TMEM165: variants seen among roughly 807,000 people sequenced by gnomAD.
TMEM165 encodes transmembrane protein 165, also known as putative divalent cation/proton antiporter TMEM165.
Under a neutral mutation model 30.0 loss-of-function variants are expected in TMEM165, and 19 were observed. That is an observed-to-expected ratio of 0.63 (90% CI 0.44 to 0.93). The LOEUF (loss-of-function observed/expected upper bound fraction) is 0.93, where lower values mean the gene tolerates loss of function less well. Ranked by LOEUF, TMEM165 falls within the 40% of genes least tolerant of loss-of-function variation. The probability of loss-of-function intolerance (pLI) is 0.00; values close to 1 mark genes in which losing one functional copy is unlikely to be tolerated. For synonymous variants in TMEM165, 168 were observed against 162.9 expected, an observed-to-expected ratio of 1.03 and a Z score of -0.24; for missense variants, 340 against 417.0, an observed-to-expected ratio of 0.82 and a Z score of 1.61.
Position 55,425,451 on chromosome 4 carries a change from AAC to A in TMEM165, c.*1_*2del, listed in dbSNP as rs200697317. On this transcript the variant is annotated stop_retained_variant and 3_prime_UTR_variant, in exon 6 of 6. Transcript: ENST00000381334. ...TTTATAAGCCCTGATTCTGGTTTTT[AAC>A]AAGCTGTTTGTTCATCTATATTTAG... 1.1e-5 allele frequency: 18 copies of A among 1,594,114 alleles called. No individual in the cohort carries two copies. Among genetic ancestry groups the A allele is most frequent in the East Asian group, 2.3e-5 (1 of 42,896 alleles).
chr4:55,424,341 C>T, intron 4 of TMEM165, 197 bp from the exon 5 acceptor site: 1 of 521,368 alleles, frequency 1.9e-6, no homozygotes, highest in Non-Finnish European at 3.4e-6. Context: ...ACTTTTAGGT[C>T]TAGTCTTAAG....
chr4:55,421,735 T>C (rs996116426), intron 4 of TMEM165, among the ~76,000 whole-genome samples: 2 of 152,220 alleles, frequency 1.3e-5, no homozygotes, highest in Non-Finnish European at 1.5e-5. Flanking sequence ...CAGCGGGCTT[T>C]CCCTTCTCCT....
chr4:55,437,131 A>T (rs1471129531), intron 3 of TMEM165, among the ~76,000 whole-genome samples: 2 of 152,188 alleles, frequency 1.3e-5, no homozygotes, highest in Non-Finnish European at 2.9e-5. Context: ...GGTCTAAAAG[A>T]CTGTATGACT....
intron 1 of TMEM165, among the ~76,000 whole-genome samples, chr4:55,399,762 T>C (rs765121468): frequency 8.5e-5 from 13 of 152,104 alleles, no homozygotes; most frequent in Non-Finnish European, 1.6e-4. Context: ...GGTCTTCTTA[T>C]AGCTCATAAC....
chr4:55,416,188 T>C (rs1470229385), intron 2 of TMEM165: 1 of 152,092 alleles, frequency 6.6e-6, no homozygotes, highest in African/African-American at 2.4e-5. Flanking sequence ...TATGGTCGTG[T>C]CCTCTGTTCC....
chr4:55,446,814 T>A (rs1723889403), intron 3 of TMEM165, among the ~76,000 whole-genome samples: 1 of 152,150 alleles, frequency 6.6e-6, no homozygotes, highest in Non-Finnish European at 1.5e-5. Context: ...TGGAAGGAAA[T>A]CTGTCTTAAA....
chr4:55,425,558 C>A lies in TMEM165; in HGVS notation c.*106C>A. 1.1e-6 allele frequency: 1 copy of A among 873,014 alleles called. No individual in the cohort carries two copies. Among genetic ancestry groups the A allele is most frequent in the Non-Finnish European group, 1.8e-6 (1 of 561,082 alleles). The allele number at this position is 873,014 out of a possible 1,614,324, so 54.1% of individuals were successfully genotyped here. A position where few individuals can be genotyped will look rare whatever the true frequency, so the allele number is the denominator to read the frequency against. The stretch of plus-strand genomic sequence containing the variant: ...GATGGAAAAATACTGTATTTTGTAG[C>A]ACTGATTTTGTGAGTTTGACCCATT... On this transcript the variant is annotated 3_prime_UTR_variant, in exon 6 of 6. Coordinates refer to ENST00000381334, the MANE Select transcript of TMEM165 (RefSeq NM_018475.5).
At chr4:55,443,923 T>G in intron 3 of TMEM165, 5 of 1,595,026 alleles carry the variant, frequency 3.1e-6, no homozygotes, top group Non-Finnish European at 4.3e-6. Flanking sequence ...TATGTTAAAA[T>G]GAGCTTTGTA....
At chr4:55,444,700 T>A (rs3762836) in intron 3 of TMEM165, 82 of 1,614,034 alleles carry the variant, frequency 5.1e-5, no homozygotes, top group Non-Finnish European at 6.8e-5. Flanking sequence ...TTGTTGCCGA[T>A]GAATATTTGC....
At chr4:55,420,932 TCA>T (rs1721949953) in intron 4 of TMEM165, among the ~76,000 whole-genome samples, 3 of 151,666 alleles carry the variant, frequency 2.0e-5, no homozygotes, top group African/African-American at 7.3e-5. Context: ...GTGTGGTGGC[TCA>T]CGCGTTTAAT....
chr4:55,398,635 CAT>C (rs1720827006), intron 1 of TMEM165, among the ~76,000 whole-genome samples: 1 of 152,164 alleles, frequency 6.6e-6, no homozygotes, highest in Non-Finnish European at 1.5e-5. Flanking sequence ...TTTACACACA[CAT>C]CTTGCTGCCT....
intron 3 of TMEM165, among the ~76,000 whole-genome samples, chr4:55,448,601 C>CGCGCGTGTGTGTGTGTGTGTGTGTGT (rs764071880): frequency 2.6e-5 from 3 of 116,980 alleles, no homozygotes; most frequent in Non-Finnish European, 5.5e-5. Context: ...CGCACGCGCG[C>CGCGCGTGTGTGTGTGTGTGTGTGTGT]GTGTGTGTGT....
At chr4:55,410,960 C>T (rs568370146) in intron 1 of TMEM165, among the ~76,000 whole-genome samples, 12 of 151,860 alleles carry the variant, frequency 7.9e-5, no homozygotes, top group Non-Finnish European at 1.6e-4. Context: ...TGATGAGAAA[C>T]CCTGTCTTGA....
downstream of TMEM165, chr4:55,429,297 C>T (rs145175576): frequency 2.6e-5 from 4 of 152,272 alleles, no homozygotes; most frequent in South Asian, 4.1e-4. Context: ...TTGTGGTTGA[C>T]GTGCTTTAAC....
intron 3 of TMEM165, among the ~76,000 whole-genome samples, chr4:55,443,488 AG>A (rs201971726): frequency 6.7e-6 from 1 of 148,502 alleles, no homozygotes. Flanking sequence ...AAAAAAAAAA[AG>A]AAAAAAAAAA....
intron 1 of TMEM165, among the ~76,000 whole-genome samples, chr4:55,399,878 G>A (rs762634848): frequency 1.3e-5 from 2 of 151,776 alleles, no homozygotes; most frequent in Non-Finnish European, 2.9e-5. Flanking sequence ...GGAGGGAAGG[G>A]TGGGTATAAT....
chr4:55,410,907 T>TGGATCAC (rs1264039347), intron 1 of TMEM165, among the ~76,000 whole-genome samples: 1 of 151,978 alleles, frequency 6.6e-6, no homozygotes, highest in African/African-American at 2.4e-5. Flanking sequence ...CTGAGGTGGG[T>TGGATCAC]GGATCACTTG....
chr4:55,402,831 G>T (rs540164023), intron 1 of TMEM165, among the ~76,000 whole-genome samples: 2 of 111,568 alleles, frequency 1.8e-5, no homozygotes, highest in Non-Finnish European at 3.5e-5. Flanking sequence ...TTGCTCTGTC[G>T]CCCAGGCTGG....
chr4:55,430,909 A>G (rs1432943884), downstream of TMEM165: 1 of 152,200 alleles, frequency 6.6e-6, no homozygotes, highest in African/African-American at 2.4e-5. Context: ...ACTCCACCAC[A>G]TTCAAAACAA....
Sources: gnomAD v4.1 joint callset for allele counts (sites outside exome capture counted in the v4.1 genomes callset) on GRCh38, gnomAD v4.1.1 for gene constraint, MANE v1.5 for transcripts, NCBI Gene and HGNC (gene_info 2026-07-23, HGNC 2026-07-21) for gene names.